NKAIN2: variants seen among roughly 807,000 people sequenced by gnomAD.
NKAIN2 encodes the protein sodium/potassium transporting ATPase interacting 2.
Under a neutral mutation model 32.6 loss-of-function variants are expected in NKAIN2, and 14 were observed. The ratio of observed to expected loss-of-function variants is 0.43; its 90% CI spans 0.28 to 0.67. The LOEUF (loss-of-function observed/expected upper bound fraction) is 0.67, where lower values mean the gene tolerates loss of function less well. NKAIN2 is among the 30% of genes least tolerant of loss of function. The pLI is 0.17. For synonymous variants in NKAIN2, 80 were observed against 87.2 expected (o/e 0.92, Z 0.46); for missense variants, 198 against 258.3 (o/e 0.77, Z 1.60).
chr6:124,464,552 T>G (rs1179901829), intron 3 of NKAIN2, among the ~76,000 whole-genome samples: 2 of 152,082 alleles, frequency 1.3e-5, no homozygotes, highest in South Asian at 2.1e-4. Context: ...CTTAATGTTA[T>G]AGTATACATG....
At chr6:124,335,689 T>A (rs574636237) in intron 2 of NKAIN2, among the ~76,000 whole-genome samples, 1 of 152,330 alleles carries the variant, frequency 6.6e-6, no homozygotes, top group South Asian at 2.1e-4. Flanking sequence ...TTTCTATTTT[T>A]GGGTCTTTAA....
At chr6:123,959,973 AAC>A (rs1777773469) in intron 1 of NKAIN2, among the ~76,000 whole-genome samples, 5 of 135,866 alleles carry the variant, frequency 3.7e-5, no homozygotes, top group African/African-American at 1.4e-4. Context: ...GTGTGTGTGT[AAC>A]ACCATTCACA....
chr6:123,818,207 C>A (rs1773777564), intron 1 of NKAIN2, among the ~76,000 whole-genome samples: 2 of 152,098 alleles, frequency 1.3e-5, no homozygotes, highest in Non-Finnish European at 2.9e-5. Flanking sequence ...ACATGCAGGA[C>A]AAACACGTAT....
At chr6:123,853,804 C>T (rs1391018278) in intron 1 of NKAIN2, among the ~76,000 whole-genome samples, 1 of 148,956 alleles carries the variant, frequency 6.7e-6, no homozygotes, top group Non-Finnish European at 1.5e-5. Flanking sequence ...TAGAATTTCA[C>T]TCTTGTTGCC....
intron 5 of NKAIN2, among the ~76,000 whole-genome samples, chr6:124,794,584 T>A (rs1241361142): frequency 1.3e-5 from 2 of 152,212 alleles, no homozygotes; most frequent in African/African-American, 2.4e-5. Flanking sequence ...GTCTTATTGC[T>A]CAGTGCGCAA....
At chr6:123,931,863 A>T (rs576971967) in intron 1 of NKAIN2, among the ~76,000 whole-genome samples, 95 of 152,298 alleles carry the variant, frequency 6.2e-4, no homozygotes, top group Middle Eastern at 3.4e-3. Flanking sequence ...AATGAGCAGT[A>T]CCCTTGCAGC....
intron 2 of NKAIN2, among the ~76,000 whole-genome samples, chr6:124,308,928 C>G (rs1242463110): frequency 1.3e-5 from 2 of 152,138 alleles, no homozygotes; most frequent in Non-Finnish European, 2.9e-5. Context: ...TGTAACAACA[C>G]AGTCTACAAT....
intron 3 of NKAIN2, among the ~76,000 whole-genome samples, chr6:124,529,933 G>GT (rs1250580020): frequency 2.0e-5 from 3 of 152,188 alleles, no homozygotes; most frequent in Non-Finnish European, 4.4e-5. Context: ...ACATTTGGGA[G>GT]TAATTGGTCA....
chr6:124,767,626 G>A lies in NKAIN2; in HGVS notation c.475-23713G>A, dbSNP rs147304269. Among the ~76,000 whole-genome samples, 20 of 152,098 alleles carry A rather than the reference G, an allele frequency of 1.3e-4. No homozygotes were observed. The East Asian group carries it at 2.5e-3, about 19-fold the overall frequency. On this transcript the variant is annotated intron_variant, in intron 4 of 6. Coordinates refer to ENST00000368417, the MANE Select transcript of NKAIN2 (RefSeq NM_001040214.3). Reference sequence around the variant, plus strand: ...GGACATTTTGGGACCTCATAAGCACGTATGCAGTTGAGGAGTCACACAAGG... The same window carrying A: ...GGACATTTTGGGACCTCATAAGCACATATGCAGTTGAGGAGTCACACAAGG...
At chr6:124,370,714 T>C (rs1799724489) in intron 3 of NKAIN2, among the ~76,000 whole-genome samples, 1 of 152,080 alleles carries the variant, frequency 6.6e-6, no homozygotes, top group Non-Finnish European at 1.5e-5. Flanking sequence ...AATCTTTTAT[T>C]TAAATTATAA....
At chr6:123,848,299 G>A (rs946866638) in intron 1 of NKAIN2, among the ~76,000 whole-genome samples, 5 of 152,160 alleles carry the variant, frequency 3.3e-5, no homozygotes, top group African/African-American at 4.8e-5. Flanking sequence ...TGATTCTAAA[G>A]TGTGAATATT....
intron 3 of NKAIN2, among the ~76,000 whole-genome samples, chr6:124,456,255 T>A (rs1776317291): frequency 6.6e-6 from 1 of 151,930 alleles, no homozygotes; most frequent in Admixed American, 6.6e-5. Context: ...CATTCTGTAA[T>A]GTACCAAAAT....
chr6:124,269,954 G>A (rs1323404609), intron 1 of NKAIN2, among the ~76,000 whole-genome samples: 2 of 152,298 alleles, frequency 1.3e-5, no homozygotes, highest in South Asian at 4.1e-4. Context: ...CCTAGAGTTT[G>A]AGAGGTTTGA....
intron 1 of NKAIN2, among the ~76,000 whole-genome samples, chr6:123,934,739 C>G (rs951860556): frequency 6.6e-6 from 1 of 152,052 alleles, no homozygotes; most frequent in African/African-American, 2.4e-5. Context: ...AATTTACATT[C>G]AAAATGTATT....
At chr6:123,980,778 C>A (rs1384422106) in intron 1 of NKAIN2, among the ~76,000 whole-genome samples, 1 of 152,014 alleles carries the variant, frequency 6.6e-6, no homozygotes, top group Non-Finnish European at 1.5e-5. Flanking sequence ...GATCCCTTAA[C>A]TGACTTTCAT....
At position 124,823,493 on chromosome 6, in the gene NKAIN2, A is replaced by C; in HGVS notation, c.*264A>C. ...CGCCCATCTTGGATTTCCTGAAAGCAGGCCCCTTTCTCCCAGGCCTTCGGA... is the reference window on the plus strand; with the variant it reads ...CGCCCATCTTGGATTTCCTGAAAGCCGGCCCCTTTCTCCCAGGCCTTCGGA... On this transcript the variant is annotated 3_prime_UTR_variant, in exon 7 of 7. Transcript: ENST00000368417. 1 of 431,588 alleles carries C rather than the reference A, an allele frequency of 2.3e-6. No individual in the cohort carries two copies. Among genetic ancestry groups the C allele is most frequent in the Non-Finnish European group, 4.2e-6 (1 of 240,230 alleles). The allele number at this position is 431,588 out of a possible 1,614,324, so 26.7% of individuals were successfully genotyped here. A position where few individuals can be genotyped will look rare whatever the true frequency, so the allele number is the denominator to read the frequency against.
chr6:124,008,527 G>T (rs1308104657), intron 1 of NKAIN2, among the ~76,000 whole-genome samples: 5 of 152,060 alleles, frequency 3.3e-5, no homozygotes, highest in African/African-American at 4.8e-5. Flanking sequence ...CATGTGTGAA[G>T]CAGTTCCAGA....
At chr6:124,734,943 C>T (rs1041686239) in intron 4 of NKAIN2, among the ~76,000 whole-genome samples, 3 of 151,852 alleles carry the variant, frequency 2.0e-5, no homozygotes, top group Admixed American at 2.0e-4. Flanking sequence ...AAAATATCTG[C>T]AAAGTTTCCT....
intron 2 of NKAIN2, among the ~76,000 whole-genome samples, chr6:124,288,085 C>T (rs1040628089): frequency 6.6e-6 from 1 of 152,008 alleles, no homozygotes; most frequent in African/African-American, 2.4e-5. Flanking sequence ...ACTAAAATAA[C>T]AGTAATATTT....
Sources: allele counts gnomAD v4.1 joint callset (sites outside exome capture counted in the v4.1 genomes callset), GRCh38; gene constraint gnomAD v4.1.1; transcripts MANE v1.5; gene names NCBI Gene and HGNC (gene_info 2026-07-23, HGNC 2026-07-21).